ZNF385B: variants seen among roughly 807,000 people sequenced by gnomAD.
ZNF385B encodes the protein zinc finger protein 533.
In ZNF385B, 23 loss-of-function variants were observed where a neutral mutation model predicts 39.2. The ratio of observed to expected loss-of-function variants is 0.59; its 90% confidence interval spans 0.42 to 0.83. The LOEUF is 0.83. Among genes scored for constraint, ZNF385B ranks in the 40% least tolerant of loss-of-function variants. The pLI is 0.00. For missense variants in ZNF385B, 552 were observed against 598.9 expected (o/e 0.92, Z 0.82); for synonymous variants, 205 against 222.6 (o/e 0.92, Z 0.70).
intron 4 of ZNF385B, among the ~76,000 whole-genome samples, chr2:179,519,993 A>G (rs963593531): frequency 1.3e-5 from 2 of 152,240 alleles, no homozygotes; most frequent in Non-Finnish European, 2.9e-5. Flanking sequence ...AGGACAATGT[A>G]TTCCTATTAT....
chr2:179,493,810 C>CATATGTGTAT (rs2055847123), intron 5 of ZNF385B, among the ~76,000 whole-genome samples: 1 of 35,586 alleles, frequency 2.8e-5, no homozygotes, highest in Non-Finnish European at 6.3e-5. Context: ...TGTATATATA[C>CATATGTGTAT]ATATATATAT....
At position 179,510,286 on chromosome 2, in the gene ZNF385B, T is replaced by C. The variant is rs949745783; in HGVS notation, c.552+8242A>G. Among the ~76,000 whole-genome samples, 4 of 81,554 alleles carry C rather than the reference T, an allele frequency of 4.9e-5. No homozygotes were observed. The East Asian group carries it at 2.1e-3, about 44-fold the overall frequency. 53.5% of individuals were successfully genotyped at this position (81,554 alleles called of 152,430 possible). On this transcript the variant is annotated intron_variant, in intron 5 of 9. Transcript: ENST00000410066. ...ATGCTATCTATCTTATATGTTCATATATGTGAAGCTGCTATCTATCTTAAG... is the reference window on the plus strand; with the variant it reads ...ATGCTATCTATCTTATATGTTCATACATGTGAAGCTGCTATCTATCTTAAG...
chr2:179,731,522 G>A (rs1328822017), intron 3 of ZNF385B, among the ~76,000 whole-genome samples: 2 of 152,140 alleles, frequency 1.3e-5, no homozygotes, highest in African/African-American at 4.8e-5. Context: ...CCCTTTAACC[G>A]GTGATTCTCA....
intron 3 of ZNF385B, among the ~76,000 whole-genome samples, chr2:179,733,545 G>A (rs1024403326): frequency 2.0e-5 from 3 of 152,274 alleles, no homozygotes; most frequent in East Asian, 1.9e-4. Flanking sequence ...CACTTTGGGA[G>A]GCCGAGGCGG....
At chr2:179,669,968 G>C (rs893895408) in intron 3 of ZNF385B, among the ~76,000 whole-genome samples, 1 of 152,108 alleles carries the variant, frequency 6.6e-6, no homozygotes. Context: ...CTGGAGGTGA[G>C]GGAAAATCCC....
intron 3 of ZNF385B, chr2:179,584,157 G>A (rs1686837006): frequency 2.5e-6 from 1 of 398,998 alleles, no homozygotes; most frequent in South Asian, 1.9e-5. Flanking sequence ...GAATAATTCA[G>A]TGTTGTGGGG....
intron 6 of ZNF385B, among the ~76,000 whole-genome samples, chr2:179,451,782 C>A (rs995472057): frequency 6.6e-6 from 1 of 152,032 alleles, no homozygotes. Flanking sequence ...AATGTATAAA[C>A]TTCAAAGCCT....
In ZNF385B at chr2:179,696,603, CT is replaced by C. The variant is rs538474957; in HGVS notation, c.298+72899del. On this transcript the variant is annotated intron_variant, in intron 3 of 9. Coordinates refer to ENST00000410066, the MANE Select transcript of ZNF385B (RefSeq NM_152520.6). ...ACTCCCATGCACAGTAGCCCCTAGG[CT>C]ACTTTTAATACACCTATGAGCAGCA... is the stretch of plus-strand genomic sequence containing the variant. Among the ~76,000 whole-genome samples the C allele has an allele frequency of 2.0e-3, 308 of 152,112 alleles. 1 individual carries two copies. Among genetic ancestry groups the C allele is most frequent in the African/African-American group, 7.1e-3 (294 of 41,482 alleles).
intron 3 of ZNF385B, among the ~76,000 whole-genome samples, chr2:179,712,059 G>GCATGACACTCATTAA (rs1700041329): frequency 6.6e-6 from 1 of 151,832 alleles, no homozygotes; most frequent in Non-Finnish European, 1.5e-5. Flanking sequence ...ATAGGTTCTG[G>GCATGACACTCATTAA]CATGACACTC....
At chr2:179,756,374 G>T (rs1703019277) in intron 3 of ZNF385B, among the ~76,000 whole-genome samples, 1 of 152,156 alleles carries the variant, frequency 6.6e-6, no homozygotes, top group African/African-American at 2.4e-5. Flanking sequence ...GGCTTCCTTT[G>T]TGGGTAACCC....
At position 179,811,961 on chromosome 2, in the gene ZNF385B, C is replaced by A. The variant is rs547346936; in HGVS notation, c.-154-41289G>T. Among the ~76,000 whole-genome samples, 14 of 152,090 alleles carry A rather than the reference C, an allele frequency of 9.2e-5. No individual in the cohort carries two copies. The South Asian group carries it at 2.3e-3, about 25-fold the overall frequency. On this transcript the variant is annotated intron_variant, in intron 1 of 9. Transcript: ENST00000410066. ...CTTAATTGAACAAGCAAAAAACAAC[C>A]CATTTAAAAATGGGCAAAAGACATG...
At chr2:179,620,286 A>G (rs1156757856) in intron 3 of ZNF385B, among the ~76,000 whole-genome samples, 1 of 152,118 alleles carries the variant, frequency 6.6e-6, no homozygotes, top group Non-Finnish European at 1.5e-5. Flanking sequence ...GTTGACTCCT[A>G]TCTATAAAAG....
At chr2:179,776,330 T>C (rs1427420936) in intron 1 of ZNF385B, among the ~76,000 whole-genome samples, 1 of 152,172 alleles carries the variant, frequency 6.6e-6, no homozygotes, top group East Asian at 1.9e-4. Context: ...GCCTAGGATC[T>C]AGACATGTGA....
In ZNF385B at chr2:179,718,738, C is replaced by T. The variant is rs140170359; in HGVS notation, c.298+50765G>A. Among the ~76,000 whole-genome samples the T allele has an allele frequency of 1.7e-3, 258 of 150,572 alleles. 1 individual carries two copies. Among genetic ancestry groups the T allele is most frequent in the Admixed American group, 6.0e-3 (91 of 15,106 alleles). On this transcript the variant is annotated intron_variant, in intron 3 of 9. Transcript: ENST00000410066. ...CTATTTTCAGCCAAATGTGGTGCCT[C>T]ATGCCTGTAATCACAGCACTTTGGT...
At chr2:179,506,629 T>C (rs977995931) in intron 5 of ZNF385B, among the ~76,000 whole-genome samples, 7 of 152,150 alleles carry the variant, frequency 4.6e-5, no homozygotes, top group Admixed American at 4.6e-4. Flanking sequence ...AATACATTAA[T>C]GTAACACAAA....
chr2:179,859,568 C>T (rs986605964), intron 1 of ZNF385B, among the ~76,000 whole-genome samples: 1 of 150,534 alleles, frequency 6.6e-6, no homozygotes, highest in African/African-American at 2.5e-5. Flanking sequence ...CAAATGCATC[C>T]AAGAGAGGTC....
rs191123286 is a variant in ZNF385B, at chr2:179,559,738, T to C, written c.299-14769A>G. Reference sequence around the variant, plus strand: ...GATCACATAGTAAAGCCATTTGACATATCCATTATCTCACATGGTTACTTG... The same window carrying C: ...GATCACATAGTAAAGCCATTTGACACATCCATTATCTCACATGGTTACTTG... On this transcript the variant is annotated intron_variant, in intron 3 of 9. Transcript: ENST00000410066. 2.6e-3 allele frequency among the ~76,000 whole-genome samples: 403 copies of C among 152,268 alleles called. 1 individual carries two copies. Among genetic ancestry groups the C allele is most frequent in the African/African-American group, 8.8e-3 (367 of 41,554 alleles).
intron 3 of ZNF385B, among the ~76,000 whole-genome samples, chr2:179,602,773 T>C (rs987714424): frequency 6.6e-6 from 1 of 152,156 alleles, no homozygotes; most frequent in Non-Finnish European, 1.5e-5. Context: ...ATAGAAGTTA[T>C]GATAATTCAA....
chr2:179,772,324 T>A (rs1704059259), intron 1 of ZNF385B, among the ~76,000 whole-genome samples: 1 of 152,214 alleles, frequency 6.6e-6, no homozygotes, highest in Non-Finnish European at 1.5e-5. Context: ...CCAAGAGTTA[T>A]TCTCACAAGT....
Sources: gnomAD v4.1 joint callset for allele counts (sites outside exome capture counted in the v4.1 genomes callset) on GRCh38, gnomAD v4.1.1 for gene constraint, MANE v1.5 for transcripts, NCBI Gene and HGNC (gene_info 2026-07-23, HGNC 2026-07-21) for gene names.